Variants in PPM1H observed in about 807,000 individuals in gnomAD.
PPM1H encodes protein phosphatase 1H.
Under a neutral mutation model 54.9 loss-of-function variants are expected in PPM1H, and 27 were observed. The ratio of observed to expected loss-of-function variants is 0.49; its 90% CI spans 0.36 to 0.68. The LOEUF (loss-of-function observed/expected upper bound fraction) is 0.68, where lower values mean the gene tolerates loss of function less well. Among genes scored for constraint, PPM1H ranks in the 30% least tolerant of loss-of-function variants. The pLI is 0.00. For missense variants in PPM1H, 596 were observed against 667.8 expected (o/e 0.89, Z 1.19); for synonymous variants, 305 against 270.8 (o/e 1.13, Z -1.24).
At chr12:62,924,105 T>C (rs368279515) in intron 1 of PPM1H, among the ~76,000 whole-genome samples, 2 of 152,190 alleles carry the variant, frequency 1.3e-5, no homozygotes, top group East Asian at 3.8e-4. Context: ...ATGTCAGTCT[T>C]CTCAATATTT....
At chr12:62,677,928 C>G (rs954186910) in intron 8 of PPM1H, among the ~76,000 whole-genome samples, 7 of 152,180 alleles carry the variant, frequency 4.6e-5, no homozygotes, top group Admixed American at 4.6e-4. Flanking sequence ...GAAGTGGATT[C>G]CAGGGATTTG....
chr12:62,682,593 C>G (rs1479618298), intron 8 of PPM1H, among the ~76,000 whole-genome samples: 1 of 152,176 alleles, frequency 6.6e-6, no homozygotes, highest in African/African-American at 2.4e-5. Context: ...CCTTGAACTC[C>G]TGGGCTCAAG....
At chr12:62,847,850 C>A (rs925813266) in intron 1 of PPM1H, among the ~76,000 whole-genome samples, 8 of 151,152 alleles carry the variant, frequency 5.3e-5, no homozygotes, top group Admixed American at 4.6e-4. Context: ...GAAAAAAAAA[C>A]AAATCATCAC....
At chr12:62,900,531 GTAATAA>G (rs57828355) in intron 1 of PPM1H, among the ~76,000 whole-genome samples, 9 of 142,592 alleles carry the variant, frequency 6.3e-5, no homozygotes, top group East Asian at 2.0e-4. Context: ...AACTTAAAAT[GTAATAA>G]TAATAATAAT....
chr12:62,924,461 A>G (rs1242370825), intron 1 of PPM1H, among the ~76,000 whole-genome samples: 1 of 152,140 alleles, frequency 6.6e-6, no homozygotes, highest in Non-Finnish European at 1.5e-5. Context: ...CCAGTTTCTG[A>G]ATTTTGATGT....
chr12:62,927,935 G>T (rs1336019355), intron 1 of PPM1H, among the ~76,000 whole-genome samples: 1 of 152,052 alleles, frequency 6.6e-6, no homozygotes, highest in Non-Finnish European at 1.5e-5. Flanking sequence ...GTATCTCATG[G>T]TTAAAAATGT....
chr12:62,702,884 T>G (rs1361971629), intron 6 of PPM1H, among the ~76,000 whole-genome samples: 2 of 152,140 alleles, frequency 1.3e-5, no homozygotes, highest in African/African-American at 4.8e-5. Flanking sequence ...ACACCAGGCT[T>G]GGGGTCAGAG....
intron 1 of PPM1H, among the ~76,000 whole-genome samples, chr12:62,855,399 A>C (rs1473981785): frequency 6.6e-6 from 1 of 152,182 alleles, no homozygotes; most frequent in Non-Finnish European, 1.5e-5. Flanking sequence ...TATACTTCAG[A>C]CACACGCAGA....
At chr12:62,769,453 C>T (rs1385786181) in intron 4 of PPM1H, among the ~76,000 whole-genome samples, 1 of 152,190 alleles carries the variant, frequency 6.6e-6, no homozygotes, top group African/African-American at 2.4e-5. Flanking sequence ...ACAAAACCAG[C>T]CTCGTGGCCT....
chr12:62,737,618 A>C (rs1244266255), intron 4 of PPM1H, 32 bp from the exon 5 acceptor site: 6 of 1,365,820 alleles, frequency 4.4e-6, no homozygotes, highest in Non-Finnish European at 5.1e-6. Flanking sequence ...GTCAGTAGCC[A>C]ATCTCATAAA....
chr12:62,761,909 G>A (rs1345707167), intron 4 of PPM1H, among the ~76,000 whole-genome samples: 2 of 152,176 alleles, frequency 1.3e-5, no homozygotes, highest in Non-Finnish European at 2.9e-5. Context: ...TGAGGGAAAT[G>A]GACGTGGCTC....
intron 8 of PPM1H, among the ~76,000 whole-genome samples, chr12:62,668,835 CTA>C (rs1456892785): frequency 2.0e-5 from 3 of 152,242 alleles, no homozygotes; most frequent in Non-Finnish European, 2.9e-5. Flanking sequence ...GCCAAGCCTC[CTA>C]TGTTTTAGAA....
At chr12:62,707,420 C>G (rs1331141135) in intron 6 of PPM1H, among the ~76,000 whole-genome samples, 1 of 152,188 alleles carries the variant, frequency 6.6e-6, no homozygotes. Context: ...GCAAAGACCA[C>G]CAGCAGCCCA....
intron 9 of PPM1H, chr12:62,658,784 A>C (rs941056274): frequency 1.6e-5 from 7 of 444,952 alleles, no homozygotes; most frequent in African/African-American, 1.2e-4. Flanking sequence ...GATAGAAAAG[A>C]AAGAAAGAAA....
intron 2 of PPM1H, among the ~76,000 whole-genome samples, chr12:62,826,427 C>T (rs7136592): frequency 0.092 from 13,960 of 152,042 alleles, 745 homozygotes; most frequent in East Asian, 0.16. Flanking sequence ...CCAGCCTGGG[C>T]GACAGAGTGA....
chr12:62,811,233 T>C (rs1274410258), intron 2 of PPM1H, among the ~76,000 whole-genome samples: 1 of 152,230 alleles, frequency 6.6e-6, no homozygotes, highest in African/African-American at 2.4e-5. Flanking sequence ...TTAAAATTCA[T>C]ACAACTGTAT....
chr12:62,654,643 C>A (rs1487550482), intron 9 of PPM1H, among the ~76,000 whole-genome samples: 2 of 152,230 alleles, frequency 1.3e-5, no homozygotes, highest in Non-Finnish European at 2.9e-5. Flanking sequence ...CGGTCTCTCA[C>A]TCTGCCTTTT....
intron 1 of PPM1H, among the ~76,000 whole-genome samples, chr12:62,900,432 T>C (rs960407146): frequency 2.0e-5 from 3 of 151,832 alleles, no homozygotes; most frequent in Admixed American, 2.0e-4. Context: ...ATATACCTAA[T>C]GTAAATGATG....
intron 1 of PPM1H, among the ~76,000 whole-genome samples, chr12:62,868,950 C>T (rs529561710): frequency 1.3e-4 from 20 of 152,306 alleles, no homozygotes; most frequent in African/African-American, 4.3e-4. Context: ...TGGATAAAAA[C>T]CAGGTGTAAA....
Sources: gnomAD v4.1 joint callset for allele counts (sites outside exome capture counted in the v4.1 genomes callset) on GRCh38, gnomAD v4.1.1 for gene constraint, MANE v1.5 for transcripts, NCBI Gene and HGNC (gene_info 2026-07-23, HGNC 2026-07-21) for gene names.